DNAH8: variants seen among roughly 807,000 people sequenced by gnomAD.
The protein encoded by DNAH8 is dynein axonemal heavy chain 8.
Under a neutral mutation model 562.1 loss-of-function variants are expected in DNAH8, and 382 were observed. The observed-to-expected ratio is 0.68, with a 90% CI of 0.63 to 0.74. The LOEUF (loss-of-function observed/expected upper bound fraction) is 0.74. Ranked by LOEUF, DNAH8 falls within the 30% of genes least tolerant of loss-of-function variation. The pLI is 0.00. For missense variants in DNAH8, 5,203 were observed against 5,620.4 expected (o/e 0.93, Z 2.37); for synonymous variants, 1,881 against 1,919.4 (o/e 0.98, Z 0.52).
intron 39 of DNAH8, 90 bp downstream of exon 39, chr6:38,851,764 G>A (rs1775767247): frequency 5.8e-6 from 5 of 856,496 alleles, no homozygotes; most frequent in Non-Finnish European, 9.5e-6. Context: ...AAAAATGCAG[G>A]CAGGAAAGAA....
At chr6:39,008,766 C>T in intron 88 of DNAH8, 48 bp from the exon 89 acceptor site, 4 of 1,152,696 alleles carry the variant, frequency 3.5e-6, no homozygotes, top group South Asian at 3.5e-5. Context: ...ACACTTATCT[C>T]TTACATGTTT....
At chr6:38,855,037 G>A (rs1776078120) in intron 41 of DNAH8, among the ~76,000 whole-genome samples, 1 of 148,020 alleles carries the variant, frequency 6.8e-6, no homozygotes, top group Non-Finnish European at 1.5e-5. Flanking sequence ...ATTCACATAA[G>A]TATATATGAA....
intron 62 of DNAH8, among the ~76,000 whole-genome samples, 173 bp from the exon 63 acceptor site, chr6:38,906,081 A>AT (rs1406877538): frequency 6.7e-6 from 1 of 149,212 alleles, no homozygotes; most frequent in Non-Finnish European, 1.5e-5. Flanking sequence ...TTTTTTTTGT[A>AT]TTTTTTTAGT....
intron 68 of DNAH8, among the ~76,000 whole-genome samples, chr6:38,916,024 A>G (rs1371174076): frequency 1.3e-5 from 2 of 152,126 alleles, no homozygotes; most frequent in East Asian, 1.9e-4. Context: ...TTGGGTTTCT[A>G]TGGGGATTAT....
At chr6:39,009,105 A>C in intron 89 of DNAH8, 135 bp downstream of exon 89, 1 of 583,170 alleles carries the variant, frequency 1.7e-6, no homozygotes, top group Admixed American at 2.9e-5. Context: ...AATTTTGACT[A>C]TATTACTAAA....
chr6:38,715,374 G>A lies in DNAH8; in HGVS notation c.-76G>A, dbSNP rs1762189854. The A allele has an allele frequency of 6.6e-6, 1 of 152,330 alleles. No individual in the cohort carries two copies. The highest frequency in any genetic ancestry group is 6.5e-5 in the Admixed American group (1 of 15,290). The allele number at this position is 152,330 out of a possible 1,614,324, so 9.4% of individuals were successfully genotyped here. A position where few individuals can be genotyped will look rare whatever the true frequency, so the allele number is the denominator to read the frequency against. On this transcript the variant is annotated 5_prime_UTR_variant, in exon 1 of 93. The change creates a new upstream start codon in the 5' untranslated region. Coordinates refer to ENST00000327475, the MANE Select transcript of DNAH8 (RefSeq NM_001206927.2). The stretch of plus-strand genomic sequence containing the variant: ...AGCGCAACCGCTGGGGCCGGCCTCA[G>A]TGGGCTGAGTGGTCGGGGCATCGGG...
chr6:38,883,827 G>A (rs1345149990), intron 55 of DNAH8, 49 bp from the exon 56 acceptor site: 2 of 1,423,190 alleles, frequency 1.4e-6, no homozygotes, highest in South Asian at 1.7e-5. Flanking sequence ...ATTTTTAGAA[G>A]TATGGATTAA....
chr6:39,016,323 G>A lies in DNAH8; in HGVS notation c.13714+3686G>A, dbSNP rs149359587. ...TCCCAGCACTTTGGGAGGCCGAGGC[G>A]GGCGGATCACGAGGTCAGGAGATCG... is the stretch of plus-strand genomic sequence containing the variant. On this transcript the variant is annotated intron_variant, in intron 91 of 92. Transcript: ENST00000327475. Among the ~76,000 whole-genome samples the A allele has an allele frequency of 0.013, 2,035 of 152,140 alleles. 113 individuals carry two copies. The East Asian group carries it at 0.16, about 12-fold the overall frequency.
intron 88 of DNAH8, among the ~76,000 whole-genome samples, chr6:38,998,349 G>A (rs1765275164): frequency 6.6e-6 from 1 of 152,144 alleles, no homozygotes; most frequent in African/African-American, 2.4e-5. Context: ...ATTTTATTAT[G>A]TAGATTTATA....
chr6:38,780,227 A>C (rs1186696526), intron 15 of DNAH8, among the ~76,000 whole-genome samples, 162 bp downstream of exon 15: 1 of 152,212 alleles, frequency 6.6e-6, no homozygotes, highest in Non-Finnish European at 1.5e-5. Flanking sequence ...TTGACAGTGT[A>C]TATTGCTGGA....
chr6:38,966,012 C>T (rs1762948801), intron 82 of DNAH8, among the ~76,000 whole-genome samples: 2 of 151,718 alleles, frequency 1.3e-5, no homozygotes, highest in South Asian at 2.1e-4. Context: ...AATAAATATG[C>T]GAGCAAAAAA....
At chr6:38,717,603 T>A (rs908111269) in intron 1 of DNAH8, among the ~76,000 whole-genome samples, 12 of 150,860 alleles carry the variant, frequency 8.0e-5, no homozygotes, top group African/African-American at 2.9e-4. Context: ...TGCACAGATG[T>A]AATACAACTA....
intron 89 of DNAH8, among the ~76,000 whole-genome samples, chr6:39,010,541 G>A (rs1483027544): frequency 6.6e-6 from 1 of 151,976 alleles, no homozygotes; most frequent in Non-Finnish European, 1.5e-5. Flanking sequence ...TCTATCTCAA[G>A]TAAAGTTTCC....
chr6:38,874,164 T>TTCTCTCTTTCTTTCTC (rs1777768337), intron 52 of DNAH8, among the ~76,000 whole-genome samples: 1 of 113,668 alleles, frequency 8.8e-6, no homozygotes, highest in Non-Finnish European at 1.9e-5. Context: ...TCCTTCCTCC[T>TTCTCTCTTTCTTTCTC]TCTCTCTTTC....
At chr6:39,028,377 A>G (rs1179881516) in intron 92 of DNAH8, among the ~76,000 whole-genome samples, 1 of 152,238 alleles carries the variant, frequency 6.6e-6, no homozygotes, top group African/African-American at 2.4e-5. Flanking sequence ...GGAGGCCCCA[A>G]GGGAAAATCT....
rs1274924567 is a variant in DNAH8, at chr6:38,958,404, G to T, written c.12451+6884G>T. On this transcript the variant is annotated intron_variant, in intron 82 of 92. Transcript: ENST00000327475. ...CTTTGGCCAGACTAAGAAAAAAAGA[G>T]ATATGACTGGAAAAAAAAAAAAACA... is the stretch of plus-strand genomic sequence containing the variant. Among the ~76,000 whole-genome samples the T allele has an allele frequency of 7.6e-5, 9 of 117,774 alleles. No homozygotes were observed. The Admixed American group carries it at 7.9e-4, about 10-fold the overall frequency. The allele number at this position is 117,774 out of a possible 152,430, so 77.3% of individuals were successfully genotyped here.
At chr6:38,751,477 C>T (rs1403261111) in intron 9 of DNAH8, among the ~76,000 whole-genome samples, 1 of 152,116 alleles carries the variant, frequency 6.6e-6, no homozygotes, top group Non-Finnish European at 1.5e-5. Flanking sequence ...ATCTTTGGGG[C>T]TGCCTATCAA....
At chr6:38,734,336 A>AC in intron 4 of DNAH8, 138 bp from the exon 5 acceptor site, 7 of 496,530 alleles carry the variant, frequency 1.4e-5, no homozygotes, top group Non-Finnish European at 1.5e-5. Context: ...ACCCCCCCCC[A>AC]AAAAAATTAT....
chr6:39,008,541 C>T (rs1256922309), intron 88 of DNAH8, among the ~76,000 whole-genome samples: 1 of 151,988 alleles, frequency 6.6e-6, no homozygotes, highest in Non-Finnish European at 1.5e-5. Flanking sequence ...GGTGAAGAAG[C>T]GATTTGGATT....
Sources: allele counts gnomAD v4.1 joint callset (sites outside exome capture counted in the v4.1 genomes callset), GRCh38; gene constraint gnomAD v4.1.1; transcripts MANE v1.5; gene names NCBI Gene and HGNC (gene_info 2026-07-23, HGNC 2026-07-21).